Variants in HSPH1 observed in about 807,000 individuals in gnomAD.
The protein encoded by HSPH1 is heat shock protein 105 kDa.
In HSPH1, 40 loss-of-function variants were observed where a neutral mutation model predicts 100.0. The observed-to-expected ratio is 0.40, with a 90% CI of 0.31 to 0.52. The LOEUF is 0.52. HSPH1 is among the 20% of genes least tolerant of loss of function. HSPH1 has a pLI of 0.54. For missense variants in HSPH1, 876 were observed against 1,015.1 expected, an observed-to-expected ratio of 0.86 and a Z score of 1.86; for synonymous variants, 403 against 344.0, an observed-to-expected ratio of 1.17 and a Z score of -1.90.
chr13:31,153,565 T>C (rs893260223), intron 4 of HSPH1, among the ~76,000 whole-genome samples: 2 of 152,222 alleles, frequency 1.3e-5, no homozygotes, highest in African/African-American at 4.8e-5. Flanking sequence ...TGAGCTATTC[T>C]AGTTGTAATT....
intron 10 of HSPH1, among the ~76,000 whole-genome samples, chr13:31,147,701 T>TAC (rs1384428996): frequency 6.6e-6 from 1 of 151,914 alleles, no homozygotes; most frequent in African/African-American, 2.4e-5. Context: ...CATATATATA[T>TAC]ACACACACAC....
At chr13:31,157,791 C>A (rs1956751975) in intron 2 of HSPH1, among the ~76,000 whole-genome samples, 1 of 152,270 alleles carries the variant, frequency 6.6e-6, no homozygotes, top group African/African-American at 2.4e-5. Context: ...AGGAGAGCTA[C>A]CTACATAAAA....
chr13:31,150,096 A>C lies in HSPH1; in HGVS notation c.995T>G (p.Val332Gly), dbSNP rs1465789770. ...YSLLEQTHLK[V>G]EDVSAVEIVG... Reference sequence around the variant, plus strand: ...AATCTCAACTGCACTCACATCTTCTACTTTGAGATGAGTTTGTTCCAACAG... The same window carrying C: ...AATCTCAACTGCACTCACATCTTCTCCTTTGAGATGAGTTTGTTCCAACAG... The change falls in exon 8 of 18, where the codon GTA (valine) becomes GGA (glycine). Residue 332 changes from valine to glycine, a missense_variant. Physicochemically the swap from Val to Gly is moderately radical, Grantham distance 109 (BLOSUM62 -3). Coordinates refer to ENST00000320027, the MANE Select transcript of HSPH1 (RefSeq NM_006644.4). The C allele has an allele frequency of 6.2e-7, 1 of 1,613,692 alleles. No homozygotes were observed. Among genetic ancestry groups the C allele is most frequent in the East Asian group, 2.2e-5 (1 of 44,868 alleles).
chr13:31,154,327 T>A, intron 4 of HSPH1: 2 of 386,646 alleles, frequency 5.2e-6, no homozygotes, highest in Non-Finnish European at 9.7e-6. Flanking sequence ...GCTCCTGTGT[T>A]AAATGTACAA....
rs1435013241 is a variant in HSPH1, at chr13:31,137,061, A to G, written c.*257T>C. ...ACAAAAGTCAGTTTCATCCTCAGTG[A>G]TGCAAATGGTGAGACTGCACAGAAA... is the stretch of plus-strand genomic sequence containing the variant. On this transcript the variant is annotated 3_prime_UTR_variant, in exon 18 of 18. Transcript: ENST00000320027. The G allele has an allele frequency of 1.6e-6, 1 of 625,586 alleles. No homozygotes were observed. Among genetic ancestry groups the G allele is most frequent in the Non-Finnish European group, 3.0e-6 (1 of 332,952 alleles). The allele number at this position is 625,586 out of a possible 1,614,324, so 38.8% of individuals were successfully genotyped here.
upstream of HSPH1, chr13:31,162,150 C>A: frequency 6.8e-7 from 1 of 1,475,690 alleles, no homozygotes; most frequent in Non-Finnish European, 9.1e-7. Context: ...CGCCCACTCC[C>A]GCCCTAGCCA....
Position 31,145,666 on chromosome 13 carries a change from G to A in HSPH1, c.1481C>T (p.Thr494Met), listed in dbSNP as rs765918581. The change falls in exon 11 of 18, where the codon ACG (threonine) becomes ATG (methionine). Residue 494 changes from threonine (T) to methionine (M), a missense_variant. Thr to Met is a moderately conservative substitution (Grantham distance 81). Transcript: ENST00000320027. ...TGGGACTTTCTCCACCATAGATGCC[G>A]TAGAGATGGTGAAAATGCCATGGGT... ...VNTHGIFTIS[T>M]ASMVEKVPTE... 1.2e-5 allele frequency: 20 copies of A among 1,613,348 alleles called. No individual in the cohort carries two copies. Among genetic ancestry groups the A allele is most frequent in the Middle Eastern group, 1.6e-4 (1 of 6,082 alleles).
intron 2 of HSPH1, among the ~76,000 whole-genome samples, chr13:31,157,432 C>G (rs560504497): frequency 5.9e-5 from 9 of 152,292 alleles, no homozygotes; most frequent in South Asian, 4.1e-4. Context: ...CCTACATATT[C>G]AAAGGATTAG....
intron 4 of HSPH1, among the ~76,000 whole-genome samples, chr13:31,153,561 A>C (rs1224339552): frequency 6.6e-6 from 1 of 152,206 alleles, no homozygotes; most frequent in African/African-American, 2.4e-5. Flanking sequence ...GACTTGAGCT[A>C]TTCTAGTTGT....
chr13:31,155,813 G>A (rs1355686625), intron 2 of HSPH1, among the ~76,000 whole-genome samples, 159 bp from the exon 3 acceptor site: 1 of 152,110 alleles, frequency 6.6e-6, no homozygotes, highest in Non-Finnish European at 1.5e-5. Flanking sequence ...TCCCATCTAT[G>A]AACAGATTTT....
chr13:31,151,426 G>A, intron 6 of HSPH1, 183 bp downstream of exon 6: 1 of 674,492 alleles, frequency 1.5e-6, no homozygotes, highest in Non-Finnish European at 2.4e-6. Flanking sequence ...ACACTTAAGA[G>A]TATGCTAAGA....
At chr13:31,162,150 C>T, upstream of HSPH1, 1 of 1,475,690 alleles carries the variant, frequency 6.8e-7, no homozygotes, top group Non-Finnish European at 9.1e-7. Context: ...CGCCCACTCC[C>T]GCCCTAGCCA....
intron 2 of HSPH1, among the ~76,000 whole-genome samples, chr13:31,158,297 T>C (rs1326962339): frequency 6.6e-6 from 1 of 152,094 alleles, no homozygotes; most frequent in Non-Finnish European, 1.5e-5. Context: ...ACACCTGTAA[T>C]CCCAGCACTT....
chr13:31,140,985 G>T, intron 13 of HSPH1, 137 bp downstream of exon 13: 1 of 529,804 alleles, frequency 1.9e-6, no homozygotes, highest in Non-Finnish European at 3.1e-6. Flanking sequence ...CGTTAGTTTT[G>T]TCTTCATCCT....
chr13:31,161,942 C>T (rs1566022746), upstream of HSPH1: 1 of 1,535,424 alleles, frequency 6.5e-7, no homozygotes, highest in Non-Finnish European at 8.7e-7. Context: ...TTATGTATCG[C>T]ACTGATCAGA....
chr13:31,158,192 C>G (rs939225846), intron 2 of HSPH1, among the ~76,000 whole-genome samples: 34 of 152,166 alleles, frequency 2.2e-4, no homozygotes, highest in African/African-American at 8.2e-4. Context: ...TTCACAAGAA[C>G]TTAAAATGCC....
At chr13:31,137,576 T>C in intron 17 of HSPH1, 52 bp from the exon 18 acceptor site, 1 of 1,319,720 alleles carries the variant, frequency 7.6e-7, no homozygotes, top group South Asian at 1.3e-5. Context: ...ATCCAGTTCA[T>C]TTTCAACTGC....
intron 12 of HSPH1, among the ~76,000 whole-genome samples, chr13:31,142,993 G>A (rs1245804881): frequency 6.6e-6 from 1 of 151,990 alleles, no homozygotes; most frequent in Non-Finnish European, 1.5e-5. Context: ...ATTAAAAACT[G>A]GAAACTTTTA....
chr13:31,138,551 A>G lies in HSPH1; in HGVS notation c.2226T>C (p.His742=), dbSNP rs767172987. 3.1e-6 allele frequency: 5 copies of G among 1,610,230 alleles called. No homozygotes were observed. Among genetic ancestry groups the G allele is most frequent in the Non-Finnish European group, 1.7e-6 (2 of 1,178,536 alleles). The change falls in exon 17 of 18, where the codon CAT becomes CAC. Residue 742 remains histidine, a synonymous_variant. Transcript: ENST00000320027. The stretch of plus-strand genomic sequence containing the variant: ...CTTTTTTCATTTCAGACTCATCAAT[A>G]TGGTTGTATTTCTCATCCTGAACAA... ...DFRNKDEKYN[H]IDESEMKKVE...
Sources: gnomAD v4.1 joint callset for allele counts (sites outside exome capture counted in the v4.1 genomes callset) on GRCh38, gnomAD v4.1.1 for gene constraint, MANE v1.5 for transcripts, NCBI Gene and HGNC (gene_info 2026-07-23, HGNC 2026-07-21) for gene names.